Variants in P3H2 observed in about 807,000 individuals in gnomAD.
P3H2 encodes prolyl 3-hydroxylase 2, also known as leprecan-like 1.
In P3H2, 80 loss-of-function variants were observed where a neutral mutation model predicts 87.0. The observed-to-expected ratio is 0.92, with a 90% CI of 0.77 to 1.11. The LOEUF is 1.11. Among genes scored for constraint, P3H2 ranks in the 50% least tolerant of loss-of-function variants. The pLI is 0.00. For missense variants in P3H2, 1,001 were observed against 923.9 expected (o/e 1.08, Z -1.08); for synonymous variants, 367 against 359.3 (o/e 1.02, Z -0.24).
chr3:190,109,999 C>A (rs187365556), intron 1 of P3H2, among the ~76,000 whole-genome samples: 1 of 152,006 alleles, frequency 6.6e-6, no homozygotes, highest in East Asian at 1.9e-4. Flanking sequence ...CAGGCATGCA[C>A]CACCACACTT....
chr3:189,966,489 T>C (rs956266225), intron 13 of P3H2, among the ~76,000 whole-genome samples: 3 of 152,312 alleles, frequency 2.0e-5, no homozygotes, highest in Non-Finnish European at 4.4e-5. Flanking sequence ...TTCACAAGGA[T>C]CTCTAAGACC....
intron 8 of P3H2, among the ~76,000 whole-genome samples, chr3:189,980,304 C>T (rs916063765): frequency 1.3e-5 from 2 of 152,170 alleles, no homozygotes; most frequent in Admixed American, 1.3e-4. Flanking sequence ...GTGGCTCATG[C>T]CTGTAATCTC....
chr3:189,957,975 T>C lies in P3H2; in HGVS notation c.2064A>G (p.Ala688=). Residue 688 remains alanine (A), a synonymous_variant, in exon 15 of 15, where the codon GCA becomes GCG. Transcript: ENST00000319332. ...LERIQADEVI[A]ILDQEQQGKH... ...TCCCTTGCTGTTCTTGATCCAGAAT[T>C]GCAATCACTTCATCAGCCTGTATTC... 6.2e-7 allele frequency: 1 copy of C among 1,613,824 alleles called. No homozygotes were observed. Among genetic ancestry groups the C allele is most frequent in the Middle Eastern group, 1.6e-4 (1 of 6,062 alleles).
chr3:189,991,942 G>A (rs1723889565), intron 3 of P3H2, among the ~76,000 whole-genome samples: 1 of 152,166 alleles, frequency 6.6e-6, no homozygotes, highest in Non-Finnish European at 1.5e-5. Context: ...GGTAGCAAAA[G>A]GGGTGGAGGG....
At chr3:190,084,726 T>C (rs577874421) in intron 1 of P3H2, among the ~76,000 whole-genome samples, 1 of 152,300 alleles carries the variant, frequency 6.6e-6, no homozygotes, top group Non-Finnish European at 1.5e-5. Flanking sequence ...TGAAGTAATA[T>C]GAAACAATGC....
At chr3:190,103,670 T>C (rs905470213) in intron 1 of P3H2, among the ~76,000 whole-genome samples, 1 of 152,118 alleles carries the variant, frequency 6.6e-6, no homozygotes, top group Admixed American at 6.5e-5. Flanking sequence ...AAAGCAGAGG[T>C]AGGAAAGAAT....
chr3:189,972,612 AT>A (rs148423217), intron 11 of P3H2, among the ~76,000 whole-genome samples: 4 of 151,466 alleles, frequency 2.6e-5, no homozygotes, highest in Admixed American at 1.3e-4. Flanking sequence ...GCAGAAAAGC[AT>A]TTTTTTTTCC....
At chr3:189,982,896 CT>C in intron 8 of P3H2, 149 bp downstream of exon 8, 1 of 531,570 alleles carries the variant, frequency 1.9e-6, no homozygotes, top group Middle Eastern at 3.3e-4. Context: ...TTTTTTAAGT[CT>C]TGCTTTCAGA....
chr3:189,967,854 C>A (rs1449156312), intron 13 of P3H2, among the ~76,000 whole-genome samples: 1 of 152,104 alleles, frequency 6.6e-6, no homozygotes, highest in Non-Finnish European at 1.5e-5. Flanking sequence ...GTAATACATA[C>A]TTTTTGATAT....
Position 190,094,022 on chromosome 3 carries a change from A to C in P3H2, c.480+26230T>G, listed in dbSNP as rs192242798. Among the ~76,000 whole-genome samples, 320 of 152,294 alleles carry C rather than the reference A, an allele frequency of 2.1e-3. 1 individual carries two copies. Among genetic ancestry groups the C allele is most frequent in the African/African-American group, 7.4e-3 (309 of 41,550 alleles). ...TGCTATGTAGCTAGCATGAACTAAA[A>C]TAATTTTGATTAATTTTAAGAATTC... On this transcript the variant is annotated intron_variant, in intron 1 of 14. Transcript: ENST00000319332.
At position 189,971,336 on chromosome 3, in the gene P3H2, C is replaced by T. The variant is rs148546571; in HGVS notation, c.1818-445G>A. Among the ~76,000 whole-genome samples, 15 of 152,290 alleles carry T rather than the reference C, an allele frequency of 9.8e-5. No individual in the cohort carries two copies. In the East Asian group the frequency reaches 1.5e-3, roughly 16 times the overall value. On this transcript the variant is annotated intron_variant, in intron 12 of 14. Coordinates refer to ENST00000319332, the MANE Select transcript of P3H2 (RefSeq NM_018192.4). ...TGGCCTAGCCACGCCTTGCAGATAG[C>T]GGGTGCTTAATAAATGTTTTGGAAT...
chr3:190,041,029 TATATATATAC>T lies in P3H2; in HGVS notation c.481-45597_481-45588del, dbSNP rs199846126. On this transcript the variant is annotated intron_variant, in intron 1 of 14. Coordinates refer to ENST00000319332, the MANE Select transcript of P3H2 (RefSeq NM_018192.4). ...CAAAACCATGGCTCTACTATATATA[TATATATATAC>T]ACACACACACACACACACACACACA... Among the ~76,000 whole-genome samples, 1,152 of 48,270 alleles carry T rather than the reference TATATATATAC, an allele frequency of 0.024. 75 individuals carry two copies. The East Asian group carries it at 0.26, about 11-fold the overall frequency. 31.7% of individuals were successfully genotyped at this position (48,270 alleles called of 152,430 possible).
At chr3:190,094,111 G>A (rs778568995) in intron 1 of P3H2, among the ~76,000 whole-genome samples, 7 of 152,180 alleles carry the variant, frequency 4.6e-5, no homozygotes, top group Non-Finnish European at 7.4e-5. Context: ...AATCGAGAAT[G>A]TGTTTCTCTG....
At chr3:190,093,422 G>A (rs913824988) in intron 1 of P3H2, among the ~76,000 whole-genome samples, 20 of 152,214 alleles carry the variant, frequency 1.3e-4, no homozygotes, top group Non-Finnish European at 1.9e-4. Context: ...AAGGGAAAGA[G>A]GAACGAAGGC....
intron 8 of P3H2, 64 bp from the exon 9 acceptor site, chr3:189,974,749 C>A: frequency 1.3e-6 from 2 of 1,598,696 alleles, no homozygotes; most frequent in Non-Finnish European, 1.7e-6. Flanking sequence ...GCACAGAATA[C>A]CAAACAGCTT....
intron 11 of P3H2, among the ~76,000 whole-genome samples, chr3:189,972,334 A>T (rs993766912): frequency 7.9e-5 from 12 of 152,154 alleles, no homozygotes; most frequent in African/African-American, 2.9e-4. Flanking sequence ...GGAAATGAAA[A>T]TTTTTTAAAA....
intron 1 of P3H2, among the ~76,000 whole-genome samples, chr3:190,001,991 G>A (rs1370766186): frequency 3.9e-5 from 6 of 152,184 alleles, no homozygotes; most frequent in African/African-American, 1.2e-4. Flanking sequence ...TGAATTAAAC[G>A]AAATCCTGTA....
intron 1 of P3H2, among the ~76,000 whole-genome samples, chr3:189,996,495 A>G (rs1341539048): frequency 6.6e-6 from 1 of 152,210 alleles, no homozygotes; most frequent in African/African-American, 2.4e-5. Context: ...TTGGTCAAAG[A>G]GTACAAAGTT....
intron 14 of P3H2, among the ~76,000 whole-genome samples, chr3:189,959,185 C>T (rs551479424): frequency 6.6e-6 from 1 of 151,134 alleles, no homozygotes; most frequent in African/African-American, 2.4e-5. Flanking sequence ...TTCAGGTCTA[C>T]TTTTCTTGGT....
Sources: allele counts gnomAD v4.1 joint callset (sites outside exome capture counted in the v4.1 genomes callset), GRCh38; gene constraint gnomAD v4.1.1; transcripts MANE v1.5; gene names NCBI Gene and HGNC (gene_info 2026-07-23, HGNC 2026-07-21).